Variants in C11orf65 observed in about 807,000 individuals in gnomAD.
C11orf65 encodes the protein chromosome 11 open reading frame 65.
In C11orf65, 38 loss-of-function variants were observed where a neutral mutation model predicts 35.3. That is an observed-to-expected ratio of 1.08 (90% CI 0.83 to 1.41). The LOEUF is 1.41. Ranked by LOEUF, C11orf65 falls within the 40% of genes most tolerant of loss-of-function variation. The pLI, the probability that C11orf65 is intolerant of heterozygous loss-of-function variation, is 0.00. For synonymous variants in C11orf65, 105 were observed against 114.4 expected (o/e 0.92, Z 0.53); for missense variants, 370 against 367.1 (o/e 1.01, Z -0.06).
Position 108,318,098 on chromosome 11 carries a change from A to C in C11orf65, c.641-9027T>G, listed in dbSNP as rs2084907073. Among the ~76,000 whole-genome samples, 3 of 152,250 alleles carry C rather than the reference A, an allele frequency of 2.0e-5. No individual in the cohort carries two copies. In the South Asian group the frequency reaches 6.2e-4, roughly 32 times the overall value. On this transcript the variant is annotated intron_variant, in intron 6 of 6. Coordinates refer to the C11orf65 transcript ENST00000525729. ...ATAATACGGCCAGGCACGGTGGCTC[A>C]TGCCTATAATCCTAGCACTTTGGGA...
chr11:108,328,600 A>G (rs975698660), downstream of C11orf65, among the ~76,000 whole-genome samples: 3 of 152,202 alleles, frequency 2.0e-5, no homozygotes, highest in African/African-American at 7.2e-5. Flanking sequence ...CTTTACAAGT[A>G]TTAGCTGTCT....
chr11:108,412,364 G>A (rs186647913), intron 3 of C11orf65, among the ~76,000 whole-genome samples: 70 of 151,470 alleles, frequency 4.6e-4, no homozygotes, highest in Non-Finnish European at 9.0e-4. Context: ...AATAAATATC[G>A]ATTGAACTAT....
downstream of C11orf65, among the ~76,000 whole-genome samples, chr11:108,378,157 G>C (rs2091777140): frequency 6.6e-6 from 1 of 152,154 alleles, no homozygotes; most frequent in Non-Finnish European, 1.5e-5. Flanking sequence ...GAACCAAAAA[G>C]GGCCCGCATC....
At chr11:108,398,168 G>A (rs1261721557) in intron 6 of C11orf65, among the ~76,000 whole-genome samples, 1 of 152,170 alleles carries the variant, frequency 6.6e-6, no homozygotes, top group East Asian at 1.9e-4. Context: ...AGAAACATCA[G>A]TTTAGTGTTT....
intron 3 of C11orf65, chr11:108,332,165 C>T (rs1285711610): frequency 1.9e-5 from 23 of 1,197,232 alleles, no homozygotes; most frequent in Middle Eastern, 5.6e-4. Context: ...CGGTGGCTCA[C>T]GCCTGTAATC....
chr11:108,335,291 C>G (rs2086714464), exon 3 of C11orf65: 1 of 1,509,160 alleles, frequency 6.6e-7, no homozygotes, highest in African/African-American at 1.4e-5. Flanking sequence ...TTTTTTGTGT[C>G]TCTGAAAGAC....
Position 108,365,413 on chromosome 11 carries a change from C to T in C11orf65, c.226+27795G>A, listed in dbSNP as rs2137917186. 1 of 1,614,190 alleles carries T rather than the reference C, an allele frequency of 6.2e-7. No homozygotes were observed. Among genetic ancestry groups the T allele is most frequent in the Non-Finnish European group, 8.5e-7 (1 of 1,180,036 alleles). Reference sequence around the variant, plus strand: ...GAAAGGAGTGGAAGAAGGCACTGTGCTCAGTGTTGGTGGACAAGTGAATTT... The same window carrying T: ...GAAAGGAGTGGAAGAAGGCACTGTGTTCAGTGTTGGTGGACAAGTGAATTT... On this transcript the variant is annotated intron_variant, in intron 2 of 3. Transcript: ENST00000524755.
rs976830058 is a variant in C11orf65, at chr11:108,310,074, C to T, written c.641-1003G>A. 26 of 1,417,438 alleles carry T rather than the reference C, an allele frequency of 1.8e-5. No individual in the cohort carries two copies. The East Asian group carries it at 4.7e-4, about 25-fold the overall frequency. The allele number at this position is 1,417,438 out of a possible 1,614,324, so 87.8% of individuals were successfully genotyped here. On this transcript the variant is annotated intron_variant, in intron 6 of 6. Coordinates refer to the C11orf65 transcript ENST00000525729. ...TTTGTAATTTTCTGTTAAGCAGTCA[C>T]TACCATTGTATTCTATATCAACATG...
intron 3 of C11orf65, among the ~76,000 whole-genome samples, chr11:108,411,473 T>C (rs1320448525): frequency 1.3e-5 from 2 of 152,226 alleles, no homozygotes; most frequent in Non-Finnish European, 2.9e-5. Flanking sequence ...GTTGCAAAAG[T>C]AGTGACAGCG....
chr11:108,386,400 TG>T (rs1410066757), intron 7 of C11orf65, among the ~76,000 whole-genome samples: 1 of 152,216 alleles, frequency 6.6e-6, no homozygotes, highest in Admixed American at 6.5e-5. Flanking sequence ...TCACTGTCTC[TG>T]ATACGTGAAG....
chr11:108,404,091 C>T lies in C11orf65; in HGVS notation c.560+1338G>A, dbSNP rs190330407. Among the ~76,000 whole-genome samples, 19 of 152,228 alleles carry T rather than the reference C, an allele frequency of 1.2e-4. No individual in the cohort carries two copies. In the East Asian group the frequency reaches 3.7e-3, roughly 29 times the overall value. The stretch of plus-strand genomic sequence containing the variant: ...TTTCTAACCATGTTCTTTCCAAATC[C>T]CTGACCATCCAGTCAAACCATCCAT... On this transcript the variant is annotated intron_variant, in intron 6 of 8. Transcript: ENST00000393084.
chr11:108,312,745 G>A (rs1219278569), intron 6 of C11orf65, among the ~76,000 whole-genome samples: 1 of 152,150 alleles, frequency 6.6e-6, no homozygotes, highest in Non-Finnish European at 1.5e-5. Context: ...CTGTCTCAGA[G>A]TTTATGCCAT....
chr11:108,349,517 G>T (rs901246417), intron 2 of C11orf65, among the ~76,000 whole-genome samples: 1 of 152,162 alleles, frequency 6.6e-6, no homozygotes, highest in Non-Finnish European at 1.5e-5. Context: ...CAAAAAATTA[G>T]CCGGGCGAGG....
chr11:108,443,950 G>A (rs918916859), intron 2 of C11orf65, among the ~76,000 whole-genome samples: 2 of 151,910 alleles, frequency 1.3e-5, no homozygotes, highest in Non-Finnish European at 2.9e-5. Flanking sequence ...GCTAGCAGAA[G>A]GCAAGAAATA....
intron 6 of C11orf65, among the ~76,000 whole-genome samples, chr11:108,326,399 T>C (rs1248888519): frequency 8.0e-5 from 12 of 150,192 alleles, no homozygotes; most frequent in African/African-American, 1.5e-4. Flanking sequence ...TTAGAAACTT[T>C]TTCCTATATA....
At chr11:108,365,709 T>C in intron 2 of C11orf65, 1 of 698,700 alleles carries the variant, frequency 1.4e-6, no homozygotes, top group Non-Finnish European at 2.3e-6. Flanking sequence ...CTGCTTTCAC[T>C]CTTTAGAAAT....
At chr11:108,396,456 G>T (rs957971263) in intron 6 of C11orf65, among the ~76,000 whole-genome samples, 1 of 152,030 alleles carries the variant, frequency 6.6e-6, no homozygotes. Flanking sequence ...TCTTATTAAG[G>T]AAGTATAAAA....
intron 2 of C11orf65, among the ~76,000 whole-genome samples, chr11:108,448,165 C>T (rs945786297): frequency 1.3e-5 from 2 of 152,156 alleles, no homozygotes; most frequent in Admixed American, 1.3e-4. Context: ...CAAAAAAAGT[C>T]CAGGACCAGA....
intron 1 of C11orf65, among the ~76,000 whole-genome samples, chr11:108,463,299 A>G (rs2093494101): frequency 1.3e-5 from 2 of 152,228 alleles, no homozygotes; most frequent in African/African-American, 4.8e-5. Context: ...TTCATAAGAA[A>G]AATGTATTTA....
Sources: gnomAD v4.1 joint callset for allele counts (sites outside exome capture counted in the v4.1 genomes callset) on GRCh38, gnomAD v4.1.1 for gene constraint, MANE v1.5 for transcripts, NCBI Gene and HGNC (gene_info 2026-07-23, HGNC 2026-07-21) for gene names.